TNS3: variants seen among roughly 807,000 people sequenced by gnomAD.
TNS3 encodes tensin-3.
A neutral mutation model predicts 140.9 loss-of-function variants in TNS3; 45 were observed. The ratio of observed to expected loss-of-function variants is 0.32; its 90% CI spans 0.25 to 0.41. The LOEUF (loss-of-function observed/expected upper bound fraction) is 0.41, where lower values mean the gene tolerates loss of function less well. TNS3 is among the 10% of genes least tolerant of loss of function. TNS3 has a pLI of 1.00. For missense variants in TNS3, 1,716 were observed against 1,906.7 expected (o/e 0.90, Z 1.86); for synonymous variants, 815 against 788.4 (o/e 1.03, Z -0.56).
intron 13 of TNS3, among the ~76,000 whole-genome samples, chr7:47,401,873 C>T (rs1318783075): frequency 6.6e-6 from 1 of 152,262 alleles, no homozygotes. Flanking sequence ...AGGCCCTGGA[C>T]AGGCTGGATT....
chr7:47,554,827 G>A (rs184231046), intron 1 of TNS3, among the ~76,000 whole-genome samples: 1 of 151,516 alleles, frequency 6.6e-6, no homozygotes, highest in African/African-American at 2.4e-5. Context: ...TCAAGAGATG[G>A]AGACCATCCT....
At chr7:47,283,334 T>C (rs1236257451) in intron 28 of TNS3, among the ~76,000 whole-genome samples, 1 of 152,228 alleles carries the variant, frequency 6.6e-6, no homozygotes, top group Admixed American at 6.5e-5. Flanking sequence ...GTTAAAACAA[T>C]AGGTTCCAAG....
chr7:47,320,916 G>GTTT (rs954517506), intron 20 of TNS3, among the ~76,000 whole-genome samples: 1 of 152,204 alleles, frequency 6.6e-6, no homozygotes, highest in African/African-American at 2.4e-5. Flanking sequence ...CATGAAAGGT[G>GTTT]TTTACAGCAG....
chr7:47,515,606 T>C (rs568070189), intron 2 of TNS3, among the ~76,000 whole-genome samples: 4 of 152,102 alleles, frequency 2.6e-5, no homozygotes, highest in Admixed American at 2.6e-4. Context: ...ATCACCATCA[T>C]GATCATCTTG....
In TNS3 at chr7:47,396,839, G is replaced by C. The variant is rs776516453; in HGVS notation, c.985C>G (p.Arg329Gly). Residue 329 changes from arginine (R) to glycine (G), a missense_variant, in exon 16 of 31, where the codon CGC (arginine) becomes GGC (glycine). By Grantham distance (125) the Arg-to-Gly change is moderately radical (BLOSUM62 -2). Around this residue, in one of 3 missense-constraint regions of TNS3, gnomAD observed 1,163 missense variants for 1,182.1 expected, o/e 0.98. Coordinates refer to ENST00000311160, the MANE Select transcript of TNS3 (RefSeq NM_022748.12). ...VDYNTTDPLI[R>G]WDSYENLSAD... ...CTGAGGTTCTCGTACGAGTCCCAGC[G>C]TATCAGTGGGTCTGTTGTGTTGTAG... 8 of 1,614,048 alleles carry C rather than the reference G, an allele frequency of 5.0e-6. No individual in the cohort carries two copies. The African/African-American group carries it at 5.3e-5, about 11-fold the overall frequency.
At chr7:47,536,474 G>T (rs1013391979) in intron 1 of TNS3, among the ~76,000 whole-genome samples, 2 of 152,326 alleles carry the variant, frequency 1.3e-5, no homozygotes, top group African/African-American at 4.8e-5. Context: ...AACCTGTAAG[G>T]ATTCCTACAT....
chr7:47,331,548 G>A (rs903688337), intron 20 of TNS3, among the ~76,000 whole-genome samples: 1 of 152,206 alleles, frequency 6.6e-6, no homozygotes, highest in Admixed American at 6.5e-5. Context: ...CCTCTGCCAG[G>A]TGACACATGG....
At chr7:47,316,097 TCTC>T (rs1787385487) in intron 20 of TNS3, among the ~76,000 whole-genome samples, 1 of 4,130 alleles carries the variant, frequency 2.4e-4, no homozygotes, top group Non-Finnish European at 4.5e-4. Flanking sequence ...TAACTATTTC[TCTC>T]TCTCTCTCTC....
chr7:47,408,633 C>T (rs540097935), intron 13 of TNS3, among the ~76,000 whole-genome samples: 4 of 152,324 alleles, frequency 2.6e-5, no homozygotes, highest in East Asian at 3.9e-4. Flanking sequence ...TGACTGAGTA[C>T]ATTTAATCCT....
intron 1 of TNS3, among the ~76,000 whole-genome samples, chr7:47,561,636 A>G (rs752941363): frequency 6.6e-6 from 1 of 152,202 alleles, no homozygotes; most frequent in Non-Finnish European, 1.5e-5. Flanking sequence ...GCCAATTTTT[A>G]AAATAAAATT....
At chr7:47,562,027 T>C (rs1351886631) in intron 1 of TNS3, among the ~76,000 whole-genome samples, 11 of 152,242 alleles carry the variant, frequency 7.2e-5, no homozygotes, top group African/African-American at 2.7e-4. Flanking sequence ...ACTGGTAACC[T>C]GAATAGGTCA....
intron 1 of TNS3, among the ~76,000 whole-genome samples, chr7:47,570,780 G>T (rs1562862650): frequency 6.6e-6 from 1 of 152,198 alleles, no homozygotes; most frequent in Non-Finnish European, 1.5e-5. Flanking sequence ...AGTACACGTA[G>T]CTAACTCTAA....
At chr7:47,332,623 T>C (rs956520081) in intron 20 of TNS3, among the ~76,000 whole-genome samples, 2 of 152,124 alleles carry the variant, frequency 1.3e-5, no homozygotes, top group Non-Finnish European at 2.9e-5. Context: ...AATGCTTGAA[T>C]AAGGAAGTGC....
At chr7:47,323,378 A>G (rs1199770586) in intron 20 of TNS3, among the ~76,000 whole-genome samples, 2 of 152,252 alleles carry the variant, frequency 1.3e-5, no homozygotes, top group Non-Finnish European at 2.9e-5. Flanking sequence ...CAGAAATACC[A>G]TTCAGGAATG....
chr7:47,319,510 G>A (rs1354892057), intron 20 of TNS3, among the ~76,000 whole-genome samples: 1 of 152,150 alleles, frequency 6.6e-6, no homozygotes, highest in African/African-American at 2.4e-5. Flanking sequence ...TTACCATGAG[G>A]ACAGCACCAA....
At chr7:47,365,367 C>G (rs1030323270) in intron 17 of TNS3, among the ~76,000 whole-genome samples, 9 of 151,686 alleles carry the variant, frequency 5.9e-5, no homozygotes, top group African/African-American at 1.7e-4. Context: ...ATCATTTGAA[C>G]CCAGGAGGCG....
intron 17 of TNS3, among the ~76,000 whole-genome samples, chr7:47,352,842 C>T (rs906287753): frequency 6.6e-6 from 1 of 152,220 alleles, no homozygotes; most frequent in Non-Finnish European, 1.5e-5. Context: ...GTGACTTGCG[C>T]TGGGTCTCGA....
chr7:47,335,608 C>T (rs1303861606), intron 20 of TNS3, among the ~76,000 whole-genome samples: 2 of 152,304 alleles, frequency 1.3e-5, no homozygotes, highest in East Asian at 3.9e-4. Flanking sequence ...TCTCCGTCCC[C>T]CGACTCATGC....
chr7:47,344,967 C>A lies in TNS3; in HGVS notation c.2523G>T (p.Met841Ile), dbSNP rs1478514075. Residue 841 changes from methionine (M) to isoleucine (I), a missense_variant, in exon 19 of 31, where the codon ATG becomes ATT. Around this residue, in one of 3 missense-constraint regions of TNS3, gnomAD observed 1,163 missense variants for 1,182.1 expected, o/e 0.98. Transcript: ENST00000311160. Reference sequence around the variant, plus strand: ...ACACAGGAAATGCTGGAGTTGAACACATGGACTCCTTGCTACTTAAAATTC... The same window carrying A: ...ACACAGGAAATGCTGGAGTTGAACAAATGGACTCCTTGCTACTTAAAATTC... ...DGRILSSKES[M>I]CSTPAFPVSP... 1 of 1,614,244 alleles carries A rather than the reference C, an allele frequency of 6.2e-7. No individual in the cohort carries two copies. Among genetic ancestry groups the A allele is most frequent in the Non-Finnish European group, 8.5e-7 (1 of 1,180,052 alleles).
Sources: gnomAD v4.1 joint callset for allele counts (sites outside exome capture counted in the v4.1 genomes callset) on GRCh38, gnomAD v4.1.1 for gene constraint, gnomAD v4.1.1 regional missense constraint, MANE v1.5 for transcripts, NCBI Gene and HGNC (gene_info 2026-07-23, HGNC 2026-07-21) for gene names.